Variants in LSAMP observed in about 807,000 individuals in gnomAD.
The protein encoded by LSAMP is limbic system-associated membrane protein.
Under a neutral mutation model 38.6 loss-of-function variants are expected in LSAMP, and 7 were observed. The ratio of observed to expected loss-of-function variants is 0.18; its 90% confidence interval spans 0.10 to 0.34. The LOEUF (loss-of-function observed/expected upper bound fraction) is 0.34, where lower values mean the gene tolerates loss of function less well. LSAMP is among the 10% of genes least tolerant of loss of function. The pLI is 1.00. For synonymous variants in LSAMP, 154 were observed against 166.8 expected, an observed-to-expected ratio of 0.92 and a Z score of 0.59; for missense variants, 313 against 420.0, an observed-to-expected ratio of 0.75 and a Z score of 2.23.
chr3:116,026,584 C>T (rs1940797155), intron 2 of LSAMP, among the ~76,000 whole-genome samples: 1 of 152,108 alleles, frequency 6.6e-6, no homozygotes, highest in African/African-American at 2.4e-5. Context: ...AATCAAGTGA[C>T]CAATTCTTGG....
chr3:115,953,325 A>G (rs999264050), intron 3 of LSAMP, among the ~76,000 whole-genome samples: 1 of 151,812 alleles, frequency 6.6e-6, no homozygotes, highest in Non-Finnish European at 1.5e-5. Flanking sequence ...GTATGTATGC[A>G]GTAGAATCAG....
rs764456797 is a variant in LSAMP at position 115,908,095 on chromosome 3, A to ATATC, written c.515-55479_515-55478insGATA. ...CAGGGAAGATAAGAAAGATATATAT[A>ATATC]TATATCTTATAATATGTGTCACTTT... On this transcript the variant is annotated intron_variant, in intron 3 of 6. Coordinates refer to ENST00000490035, the MANE Select transcript of LSAMP (RefSeq NM_002338.5). Among the ~76,000 whole-genome samples, 206 of 152,016 alleles carry ATATC rather than the reference A, an allele frequency of 1.4e-3. No individual in the cohort carries two copies. The Middle Eastern group carries it at 0.017, about 13-fold the overall frequency.
At chr3:115,880,559 C>T (rs1936295079) in intron 3 of LSAMP, among the ~76,000 whole-genome samples, 1 of 152,028 alleles carries the variant, frequency 6.6e-6, no homozygotes, top group African/African-American at 2.4e-5. Context: ...AAGGACTACG[C>T]TGAAAATTCT....
rs144004075 is a variant in LSAMP at position 116,116,726 on chromosome 3, GATAATA to G, written c.156-30176_156-30171del. The stretch of plus-strand genomic sequence containing the variant: ...GCGAGATTCCATCTCAAATAATAAT[GATAATA>G]ATAATAATAATAATAAAATGAGGAA... On this transcript the variant is annotated intron_variant, in intron 1 of 6. Coordinates refer to ENST00000490035, the MANE Select transcript of LSAMP (RefSeq NM_002338.5). Among the ~76,000 whole-genome samples, 360 of 149,884 alleles carry G rather than the reference GATAATA, an allele frequency of 2.4e-3. 1 individual carries two copies. The highest frequency in any genetic ancestry group is 7.8e-3 in the African/African-American group (319 of 40,884).
In LSAMP at chr3:116,116,673, C is replaced by T. The variant is rs190946633; in HGVS notation, c.156-30117G>A. On this transcript the variant is annotated intron_variant, in intron 1 of 6. Transcript: ENST00000490035. Reference sequence around the variant, plus strand: ...TGGAGGTTGCAGTGAGCTGAGATCGCGCCACTGCACTCCAGTCTGGCAACA... The same window carrying T: ...TGGAGGTTGCAGTGAGCTGAGATCGTGCCACTGCACTCCAGTCTGGCAACA... 1.1e-4 allele frequency among the ~76,000 whole-genome samples: 17 copies of T among 151,732 alleles called. No homozygotes were observed. The East Asian group carries it at 1.2e-3, about 10-fold the overall frequency.
chr3:115,828,972 C>G (rs1443957622), intron 6 of LSAMP, among the ~76,000 whole-genome samples: 3 of 152,126 alleles, frequency 2.0e-5, no homozygotes, highest in Non-Finnish European at 4.4e-5. Context: ...GAAAGGAGTT[C>G]TAGGCACTAG....
At chr3:116,272,061 C>G (rs535323897) in intron 1 of LSAMP, among the ~76,000 whole-genome samples, 1 of 152,078 alleles carries the variant, frequency 6.6e-6, no homozygotes, top group Non-Finnish European at 1.5e-5. Flanking sequence ...AAGGAATTCT[C>G]AAAGCCCTTT....
rs565723950 is a variant in LSAMP at position 116,231,970 on chromosome 3, G to A, written c.156-145414C>T. ...GGTGTTCCACAGATTGTCACACCTTGAAAATTCCACCTTCTTAAGTCTTGT... is the reference window on the plus strand; with the variant it reads ...GGTGTTCCACAGATTGTCACACCTTAAAAATTCCACCTTCTTAAGTCTTGT... On this transcript the variant is annotated intron_variant, in intron 1 of 6. Transcript: ENST00000490035. Among the ~76,000 whole-genome samples the A allele has an allele frequency of 3.2e-3, 487 of 152,278 alleles. 6 individuals are homozygous for A. The highest frequency in any genetic ancestry group is 0.011 in the African/African-American group (466 of 41,540).
chr3:116,415,799 A>C (rs908840870), intron 1 of LSAMP, among the ~76,000 whole-genome samples: 6 of 152,128 alleles, frequency 3.9e-5, no homozygotes, highest in Non-Finnish European at 8.8e-5. Flanking sequence ...ATGCAAATGA[A>C]AGATTCTGGA....
At chr3:116,314,188 AGG>A (rs1365024751) in intron 1 of LSAMP, among the ~76,000 whole-genome samples, 11 of 152,226 alleles carry the variant, frequency 7.2e-5, no homozygotes, top group African/African-American at 2.7e-4. Flanking sequence ...TTAAGAACTC[AGG>A]CTCCAGAAAT....
chr3:116,391,182 A>G (rs752291771), intron 1 of LSAMP, among the ~76,000 whole-genome samples: 1 of 152,034 alleles, frequency 6.6e-6, no homozygotes, highest in African/African-American at 2.4e-5. Context: ...AATCACTTTG[A>G]TAGTACTGAT....
intron 3 of LSAMP, among the ~76,000 whole-genome samples, chr3:115,875,728 G>A (rs1936163575): frequency 6.6e-6 from 1 of 151,782 alleles, no homozygotes; most frequent in African/African-American, 2.4e-5. Context: ...GGGTTCTTGA[G>A]CCCAATACCA....
intron 3 of LSAMP, among the ~76,000 whole-genome samples, chr3:115,863,699 C>T (rs1267700162): frequency 6.6e-6 from 1 of 151,804 alleles, no homozygotes; most frequent in African/African-American, 2.4e-5. Flanking sequence ...TGATGCCTTC[C>T]TATCCTGCTT....
intron 3 of LSAMP, among the ~76,000 whole-genome samples, chr3:115,908,319 A>G (rs1937059538): frequency 6.6e-6 from 1 of 152,144 alleles, no homozygotes; most frequent in Non-Finnish European, 1.5e-5. Flanking sequence ...TAAACTTTAC[A>G]AAAGAATATT....
chr3:116,432,102 T>A (rs1006723190), intron 1 of LSAMP, among the ~76,000 whole-genome samples: 2 of 151,848 alleles, frequency 1.3e-5, no homozygotes, highest in African/African-American at 4.8e-5. Flanking sequence ...ATCAAAAAAA[T>A]TACGGTAGCC....
At chr3:115,894,326 C>G (rs1936675868) in intron 3 of LSAMP, among the ~76,000 whole-genome samples, 1 of 151,886 alleles carries the variant, frequency 6.6e-6, no homozygotes, top group South Asian at 2.1e-4. Flanking sequence ...CATTTTTGTC[C>G]CTATTTACAT....
chr3:115,875,042 C>T (rs184284647), intron 3 of LSAMP, among the ~76,000 whole-genome samples: 184 of 152,116 alleles, frequency 1.2e-3, no homozygotes, highest in Non-Finnish European at 1.6e-3. Flanking sequence ...GAGAGAACAT[C>T]GTTTCTTTTA....
intron 1 of LSAMP, among the ~76,000 whole-genome samples, chr3:116,279,991 T>C (rs1318018822): frequency 6.6e-6 from 1 of 152,168 alleles, no homozygotes; most frequent in Non-Finnish European, 1.5e-5. Flanking sequence ...GGGCCAAATA[T>C]TATGTCTGTA....
At chr3:116,062,088 A>G (rs1941603852) in intron 2 of LSAMP, among the ~76,000 whole-genome samples, 1 of 152,230 alleles carries the variant, frequency 6.6e-6, no homozygotes, top group African/African-American at 2.4e-5. Flanking sequence ...ATGTTCATAA[A>G]CTACTTATAA....
Sources: allele counts gnomAD v4.1 joint callset (sites outside exome capture counted in the v4.1 genomes callset), GRCh38; gene constraint gnomAD v4.1.1; transcripts MANE v1.5; gene names NCBI Gene and HGNC (gene_info 2026-07-23, HGNC 2026-07-21).